Variants in TBC1D5 observed in about 807,000 individuals in gnomAD.
The protein encoded by TBC1D5 is TBC1 domain family, member 5.
In TBC1D5, 75 loss-of-function variants were observed where a neutral mutation model predicts 100.3. The ratio of observed to expected loss-of-function variants is 0.75; its 90% CI spans 0.62 to 0.91. TBC1D5 has a LOEUF of 0.91. Ranked by LOEUF, TBC1D5 falls within the 40% of genes least tolerant of loss-of-function variation. The pLI, the probability that TBC1D5 is intolerant of heterozygous loss-of-function variation, is 0.00. For missense variants in TBC1D5, 910 were observed against 942.4 expected (o/e 0.97, Z 0.45); for synonymous variants, 323 against 325.6 (o/e 0.99, Z 0.09).
chr3:17,452,155 A>T (rs1036776344), intron 3 of TBC1D5, among the ~76,000 whole-genome samples: 1 of 152,204 alleles, frequency 6.6e-6, no homozygotes, highest in African/African-American at 2.4e-5. Context: ...ATTGAAAAAC[A>T]TACAATGGAT....
intron 2 of TBC1D5, among the ~76,000 whole-genome samples, chr3:17,528,691 C>T (rs915782333): frequency 1.3e-5 from 2 of 152,094 alleles, no homozygotes; most frequent in African/African-American, 4.8e-5. Context: ...TTATGCACGA[C>T]CCTCTTAATA....
At chr3:17,468,430 A>G in intron 3 of TBC1D5, among the ~76,000 whole-genome samples, 1 of 152,282 alleles carries the variant, frequency 6.6e-6, no homozygotes, top group African/African-American at 2.4e-5. Flanking sequence ...TCTGCAACTT[A>G]TAATAACTTA....
At chr3:17,355,495 A>G (rs2091128942) in intron 13 of TBC1D5, among the ~76,000 whole-genome samples, 1 of 152,168 alleles carries the variant, frequency 6.6e-6, no homozygotes, top group East Asian at 1.9e-4. Context: ...GGTAATCTAC[A>G]AGTTTTACTC....
At chr3:17,347,242 G>A (rs372574011) in intron 13 of TBC1D5, among the ~76,000 whole-genome samples, 5 of 152,012 alleles carry the variant, frequency 3.3e-5, no homozygotes, top group African/African-American at 9.7e-5. Context: ...AACAGTATTC[G>A]TTTTTGTCTA....
rs563889228 is a variant in TBC1D5 at position 17,615,627 on chromosome 3, G to A, written c.-36+8222C>T. The stretch of plus-strand genomic sequence containing the variant: ...CGTTTGGTCTTAGGAGGGTGTATGT[G>A]TCCAGGAATTCATCCATTTCTTCTA... On this transcript the variant is annotated intron_variant, in intron 2 of 21. Coordinates refer to ENST00000253692, the Ensembl canonical transcript of TBC1D5. Among the ~76,000 whole-genome samples, 9 of 152,238 alleles carry A rather than the reference G, an allele frequency of 5.9e-5. No homozygotes were observed. The South Asian group carries it at 1.9e-3, about 32-fold the overall frequency.
chr3:17,223,262 G>A (rs752609882), intron 17 of TBC1D5, among the ~76,000 whole-genome samples: 10 of 151,892 alleles, frequency 6.6e-5, no homozygotes, highest in African/African-American at 7.3e-5. Context: ...TATATATATC[G>A]TAGCTGGGTA....
intron 18 of TBC1D5, among the ~76,000 whole-genome samples, chr3:17,197,229 A>G (rs1276333333): frequency 2.0e-5 from 3 of 152,064 alleles, no homozygotes; most frequent in Admixed American, 6.6e-5. Flanking sequence ...TATTTATTGC[A>G]CTATTTATTT....
At chr3:17,363,785 G>A (rs2091912661) in intron 13 of TBC1D5, among the ~76,000 whole-genome samples, 1 of 151,584 alleles carries the variant, frequency 6.6e-6, no homozygotes, top group Non-Finnish European at 1.5e-5. Context: ...CTTATGATTT[G>A]TTGTTTCATT....
At chr3:17,345,848 C>T (rs991527932) in intron 13 of TBC1D5, among the ~76,000 whole-genome samples, 8 of 151,868 alleles carry the variant, frequency 5.3e-5, no homozygotes, top group African/African-American at 1.9e-4. Flanking sequence ...CATATTCTCA[C>T]TCATAGATGG....
At chr3:17,278,315 T>C (rs1205164617) in intron 15 of TBC1D5, among the ~76,000 whole-genome samples, 1 of 152,026 alleles carries the variant, frequency 6.6e-6, no homozygotes, top group South Asian at 2.1e-4. Context: ...GCCAGTGGTA[T>C]ACAGCAGGGG....
At chr3:17,443,075 C>T (rs879506343) in intron 3 of TBC1D5, among the ~76,000 whole-genome samples, 4 of 152,182 alleles carry the variant, frequency 2.6e-5, no homozygotes, top group Non-Finnish European at 5.9e-5. Context: ...ATATCAAGAA[C>T]CAGAAAAATA....
intron 9 of TBC1D5, among the ~76,000 whole-genome samples, chr3:17,380,089 G>A (rs993224939): frequency 6.7e-6 from 1 of 148,332 alleles, no homozygotes; most frequent in African/African-American, 2.5e-5. Context: ...GTGTGTGTGT[G>A]TATACACATC....
At chr3:17,418,877 G>A (rs769749550) in intron 4 of TBC1D5, among the ~76,000 whole-genome samples, 1 of 152,156 alleles carries the variant, frequency 6.6e-6, no homozygotes, top group Non-Finnish European at 1.5e-5. Context: ...CTCCATACAT[G>A]AGATTCCGCA....
chr3:17,444,725 A>G (rs1337113936), intron 3 of TBC1D5, among the ~76,000 whole-genome samples: 2 of 152,140 alleles, frequency 1.3e-5, no homozygotes, highest in East Asian at 3.8e-4. Flanking sequence ...TTCAGAAAAT[A>G]TAAAGCCACA....
At chr3:17,373,721 C>G (rs1274082077) in intron 12 of TBC1D5, among the ~76,000 whole-genome samples, 1 of 151,958 alleles carries the variant, frequency 6.6e-6, no homozygotes, top group Non-Finnish European at 1.5e-5. Flanking sequence ...ACACTGAAAA[C>G]ACTATGCTAA....
intron 2 of TBC1D5, among the ~76,000 whole-genome samples, chr3:17,603,567 G>C (rs1334449142): frequency 6.6e-6 from 1 of 152,066 alleles, no homozygotes; most frequent in Non-Finnish European, 1.5e-5. Context: ...CTCATGAATA[G>C]CCCACTGCTT....
At chr3:17,232,149 T>A (rs2075477986) in intron 17 of TBC1D5, among the ~76,000 whole-genome samples, 1 of 152,188 alleles carries the variant, frequency 6.6e-6, no homozygotes, top group African/African-American at 2.4e-5. Context: ...GAAGTTCTAG[T>A]TAAACAGTTA....
intron 3 of TBC1D5, among the ~76,000 whole-genome samples, chr3:17,470,102 T>C (rs187605452): frequency 3.9e-5 from 6 of 152,350 alleles, no homozygotes; most frequent in Admixed American, 2.6e-4. Flanking sequence ...TTTGCAGACC[T>C]GCTTCCAAGT....
In TBC1D5 at chr3:17,694,250, C is replaced by T. The variant is rs543185420; in HGVS notation, c.-101+45093G>A. 7.2e-5 allele frequency among the ~76,000 whole-genome samples: 11 copies of T among 152,302 alleles called. 1 individual carries two copies. In the South Asian group the frequency reaches 1.9e-3, roughly 26 times the overall value. On this transcript the variant is annotated intron_variant, in intron 1 of 21. Transcript: ENST00000253692. The stretch of plus-strand genomic sequence containing the variant: ...AAAGCTGTACAGAGAACGACTTTGA[C>T]AAGTTGACAGAAGTAGGCTTCAGAA...
Sources: allele counts gnomAD v4.1 joint callset (sites outside exome capture counted in the v4.1 genomes callset), GRCh38; gene constraint gnomAD v4.1.1; transcripts MANE v1.5; gene names NCBI Gene and HGNC (gene_info 2026-07-23, HGNC 2026-07-21).